The following ZRANB3 variants were observed in gnomAD, a reference collection of about 807,000 sequenced individuals.
ZRANB3 encodes zinc finger RANBP2-type containing 3.
A neutral mutation model predicts 133.8 loss-of-function variants in ZRANB3; 125 were observed. That is an observed-to-expected ratio of 0.93 (90% CI 0.81 to 1.08). The LOEUF (loss-of-function observed/expected upper bound fraction) is 1.08. Among genes scored for constraint, ZRANB3 ranks in the 50% least tolerant of loss-of-function variants. ZRANB3 has a pLI of 0.00. For missense variants in ZRANB3, 1,229 were observed against 1,275.5 expected, an observed-to-expected ratio of 0.96 and a Z score of 0.56; for synonymous variants, 387 against 432.7, an observed-to-expected ratio of 0.89 and a Z score of 1.31.
intron 8 of ZRANB3, among the ~76,000 whole-genome samples, chr2:135,309,505 A>G (rs1265415665): frequency 6.6e-6 from 1 of 152,204 alleles, no homozygotes; most frequent in South Asian, 2.1e-4. Flanking sequence ...TTAACCAAAA[A>G]TCCACAAGAA....
chr2:135,530,934 G>C (rs1187428091), intron 1 of ZRANB3, among the ~76,000 whole-genome samples, 193 bp downstream of exon 1: 3 of 152,182 alleles, frequency 2.0e-5, no homozygotes, highest in Admixed American at 2.0e-4. Context: ...AGGCCGAAAA[G>C]AGCAATCACC....
At chr2:135,380,514 C>G (rs1686641381) in intron 3 of ZRANB3, among the ~76,000 whole-genome samples, 1 of 152,156 alleles carries the variant, frequency 6.6e-6, no homozygotes, top group South Asian at 2.1e-4. Context: ...GACACTCACT[C>G]AAAACTTCAC....
chr2:135,486,804 C>T (rs1034527293), intron 2 of ZRANB3, among the ~76,000 whole-genome samples: 1 of 152,172 alleles, frequency 6.6e-6, no homozygotes, highest in African/African-American at 2.4e-5. Context: ...TGAGCCACTG[C>T]ACCCGGTCCC....
intron 2 of ZRANB3, among the ~76,000 whole-genome samples, chr2:135,460,965 C>T (rs1031955616): frequency 2.0e-5 from 3 of 151,790 alleles, no homozygotes; most frequent in Non-Finnish European, 1.5e-5. Flanking sequence ...ACATTCAGTC[C>T]CTTAGTCATA....
At chr2:135,404,042 C>T (rs1274607190) in intron 2 of ZRANB3, among the ~76,000 whole-genome samples, 2 of 152,186 alleles carry the variant, frequency 1.3e-5, no homozygotes, top group South Asian at 2.1e-4. Flanking sequence ...ACAATCAGAG[C>T]GCCTCTCCTC....
intron 6 of ZRANB3, among the ~76,000 whole-genome samples, chr2:135,336,943 A>G (rs1684397007): frequency 6.6e-6 from 1 of 152,188 alleles, no homozygotes; most frequent in Non-Finnish European, 1.5e-5. Flanking sequence ...AAGACCTATG[A>G]TAGGAACAAA....
At chr2:135,325,502 T>G (rs1021976089) in intron 6 of ZRANB3, among the ~76,000 whole-genome samples, 2 of 152,124 alleles carry the variant, frequency 1.3e-5, no homozygotes, top group African/African-American at 4.8e-5. Context: ...GTTCACGCCA[T>G]TCTCCTGCCT....
At chr2:135,284,625 C>A (rs968833448) in intron 8 of ZRANB3, among the ~76,000 whole-genome samples, 1 of 152,148 alleles carries the variant, frequency 6.6e-6, no homozygotes, top group African/African-American at 2.4e-5. Flanking sequence ...GCGCCTGTCA[C>A]CACGCCCGGC....
Position 135,234,019 on chromosome 2 carries a change from AC to A in ZRANB3, c.1540-3093del, listed in dbSNP as rs552619671. On this transcript the variant is annotated intron_variant, in intron 12 of 20. Transcript: ENST00000264159. ...CTGGCAAATTGGATAAAGAGTCAAG[AC>A]CCATCAGTGTGCTGTATTCAGGAAA... Among the ~76,000 whole-genome samples the A allele has an allele frequency of 5.3e-5, 8 of 152,282 alleles. No homozygotes were observed. The South Asian group carries it at 1.7e-3, about 32-fold the overall frequency.
At chr2:135,420,124 T>TATATATATAA (rs1273584306) in intron 2 of ZRANB3, among the ~76,000 whole-genome samples, 1 of 91,332 alleles carries the variant, frequency 1.1e-5, no homozygotes, top group African/African-American at 7.0e-5. Context: ...TATATATATA[T>TATATATATAA]AACTTATAGA....
intron 13 of ZRANB3, among the ~76,000 whole-genome samples, chr2:135,229,560 G>C (rs1434362258): frequency 6.6e-6 from 1 of 151,720 alleles, no homozygotes; most frequent in Non-Finnish European, 1.5e-5. Context: ...GTAGAGACGG[G>C]GTTTCACCGT....
intron 2 of ZRANB3, among the ~76,000 whole-genome samples, chr2:135,430,544 A>G (rs972130476): frequency 1.3e-5 from 2 of 152,178 alleles, no homozygotes; most frequent in Non-Finnish European, 2.9e-5. Flanking sequence ...ATTGTCAGAT[A>G]AAATAGGAAG....
At chr2:135,260,172 A>G (rs1484033979) in intron 12 of ZRANB3, among the ~76,000 whole-genome samples, 1 of 152,190 alleles carries the variant, frequency 6.6e-6, no homozygotes, top group African/African-American at 2.4e-5. Context: ...CCTGGAGATG[A>G]CCTACATTAT....
chr2:135,256,442 T>C (rs544445578), intron 12 of ZRANB3, among the ~76,000 whole-genome samples: 1 of 151,844 alleles, frequency 6.6e-6, no homozygotes, highest in Non-Finnish European at 1.5e-5. Context: ...AATTCTCCTG[T>C]CTCAGCCTCC....
intron 5 of ZRANB3, among the ~76,000 whole-genome samples, chr2:135,346,278 T>A (rs1684921610): frequency 6.6e-6 from 1 of 152,080 alleles, no homozygotes; most frequent in South Asian, 2.1e-4. Flanking sequence ...GTTTTTGTAT[T>A]TTTAGTAGAG....
At chr2:135,271,730 G>T in intron 10 of ZRANB3, 38 bp downstream of exon 10, 3 of 1,577,306 alleles carry the variant, frequency 1.9e-6, no homozygotes, top group South Asian at 2.4e-5. Context: ...TTATTTCAAT[G>T]ACATTTCATA....
At chr2:135,272,484 T>G (rs1193840785) in intron 9 of ZRANB3, among the ~76,000 whole-genome samples, 3 of 145,644 alleles carry the variant, frequency 2.1e-5, no homozygotes, top group East Asian at 4.1e-4. Context: ...GTGGGATCTC[T>G]GCTCACTGCA....
chr2:135,291,026 T>C (rs1681684011), intron 8 of ZRANB3, among the ~76,000 whole-genome samples: 1 of 151,900 alleles, frequency 6.6e-6, no homozygotes, highest in Admixed American at 6.6e-5. Flanking sequence ...TACCTCAGCC[T>C]CCTTTTTGTA....
intron 13 of ZRANB3, chr2:135,228,244 G>T: frequency 3.1e-6 from 1 of 320,532 alleles, no homozygotes; most frequent in Non-Finnish European, 5.6e-6. Flanking sequence ...AAATGGCAGA[G>T]AAAGACAATA....
Sources: allele counts gnomAD v4.1 joint callset (sites outside exome capture counted in the v4.1 genomes callset), GRCh38; gene constraint gnomAD v4.1.1; transcripts MANE v1.5; gene names NCBI Gene and HGNC (gene_info 2026-07-23, HGNC 2026-07-21).